Variants in STMP1 observed in about 807,000 individuals in gnomAD.
STMP1 encodes mitolamban.
STMP1 carries 7 observed loss-of-function variants against 7.0 expected under a neutral mutation model. That is an observed-to-expected ratio of 1.01 (90% CI 0.57 to 1.89). The LOEUF (loss-of-function observed/expected upper bound fraction) is 1.89, where lower values mean the gene tolerates loss of function less well. Among genes scored for constraint, STMP1 ranks in the 40% most tolerant of loss-of-function variants. The pLI is 0.00. For missense variants in STMP1, 45 were observed against 53.0 expected (o/e 0.85, Z 0.47); for synonymous variants, 19 against 18.4 (o/e 1.03, Z -0.08).
intron 1 of STMP1, among the ~76,000 whole-genome samples, chr7:135,664,003 T>G (rs1204994681): frequency 6.6e-6 from 1 of 152,242 alleles, no homozygotes; most frequent in South Asian, 2.1e-4. Context: ...TTTGTCCTTT[T>G]GAAAGATGGT....
At chr7:135,664,799 G>A (rs533695119) in intron 1 of STMP1, among the ~76,000 whole-genome samples, 64 of 152,020 alleles carry the variant, frequency 4.2e-4, no homozygotes, top group African/African-American at 1.5e-3. Flanking sequence ...TGTCAAATGA[G>A]CCACTGACTC....
chr7:135,670,435 C>G (rs1164022501), intron 1 of STMP1, among the ~76,000 whole-genome samples: 1 of 152,186 alleles, frequency 6.6e-6, no homozygotes. Context: ...CTCCTATAAT[C>G]TGACTCCAGT....
intron 1 of STMP1, among the ~76,000 whole-genome samples, chr7:135,663,885 C>T (rs572994532): frequency 1.3e-5 from 2 of 152,348 alleles, no homozygotes; most frequent in African/African-American, 2.4e-5. Flanking sequence ...ACCTCGGGAT[C>T]TGCCTGCCTC....
chr7:135,666,835 A>G (rs1057447719), intron 1 of STMP1, among the ~76,000 whole-genome samples: 6 of 152,240 alleles, frequency 3.9e-5, no homozygotes, highest in South Asian at 2.1e-4. Context: ...GAATATTTGT[A>G]TACAGGCTTT....
At chr7:135,665,957 A>C (rs1482064850) in intron 1 of STMP1, among the ~76,000 whole-genome samples, 1 of 146,966 alleles carries the variant, frequency 6.8e-6, no homozygotes, top group Non-Finnish European at 1.5e-5. Flanking sequence ...GCTGGAGTGC[A>C]CTGGTGCCAT....
rs1444519565 is a variant in STMP1, at chr7:135,675,545, A to G, written c.*1380A>G. On this transcript the variant is annotated 3_prime_UTR_variant, in exon 3 of 3. Transcript: ENST00000507606. ...CTATTACAGTGATAACTTCAATCCT[A>G]ATGTTATTAAGCATATCGATTCAGG... 6.6e-6 allele frequency: 1 copy of G among 152,154 alleles called. No individual in the cohort carries two copies. The highest frequency in any genetic ancestry group is 6.5e-5 in the Admixed American group (1 of 15,272). The allele number at this position is 152,154 out of a possible 1,614,324, so 9.4% of individuals were successfully genotyped here.
intron 1 of STMP1, 30 bp from the exon 2 acceptor site, chr7:135,672,723 A>G (rs1302457374): frequency 4.6e-6 from 7 of 1,519,486 alleles, no homozygotes; most frequent in Admixed American, 2.0e-5. Flanking sequence ...CTCGGCATGC[A>G]CTATAACTCT....
At position 135,662,519 on chromosome 7, in the gene STMP1, C is replaced by G. The variant is rs1795241853; in HGVS notation, c.-61C>G. ...CCCCCCGCGCATGGGGAGGTAGGCTCGGACCGGCCCGCGGAGCTGCTGCAG... is the reference window on the plus strand; with the variant it reads ...CCCCCCGCGCATGGGGAGGTAGGCTGGGACCGGCCCGCGGAGCTGCTGCAG... On this transcript the variant is annotated 5_prime_UTR_variant, in exon 1 of 3. Coordinates refer to ENST00000507606, the MANE Select transcript of STMP1 (RefSeq NM_001130929.2). The G allele has an allele frequency of 4.6e-6, 7 of 1,526,338 alleles. No homozygotes were observed. The highest frequency in any genetic ancestry group is 1.8e-4 in the Middle Eastern group (1 of 5,608). The allele number at this position is 1,526,338 out of a possible 1,614,324, so 94.5% of individuals were successfully genotyped here. A position where few individuals can be genotyped will look rare whatever the true frequency, so the allele number is the denominator to read the frequency against.
At chr7:135,668,125 T>A (rs1332517052) in intron 1 of STMP1, among the ~76,000 whole-genome samples, 6 of 152,168 alleles carry the variant, frequency 3.9e-5, no homozygotes, top group Non-Finnish European at 8.8e-5. Flanking sequence ...ACCATAAGCC[T>A]TTATGGTGTA....
At chr7:135,671,883 C>G (rs1391748204) in intron 1 of STMP1, among the ~76,000 whole-genome samples, 1 of 152,188 alleles carries the variant, frequency 6.6e-6, no homozygotes. Flanking sequence ...GAAGTCCCTT[C>G]CCATCCTGGG....
rs1416466082 is a variant in STMP1 at position 135,662,573 on chromosome 7, C to A, written c.-7C>A. On this transcript the variant is annotated 5_prime_UTR_variant, in exon 1 of 3. Transcript: ENST00000507606. The stretch of plus-strand genomic sequence containing the variant: ...TTCGCGCCCTCCTCGCCCTCCCCAC[C>A]GACATCATGCTCCAGTTCCTGGTGA... The A allele has an allele frequency of 2.6e-6, 4 of 1,548,580 alleles. No homozygotes were observed. Among genetic ancestry groups the A allele is most frequent in the East Asian group, 2.5e-5 (1 of 40,354 alleles).
At chr7:135,665,450 A>G (rs1469336289) in intron 1 of STMP1, 1 of 150,910 alleles carries the variant, frequency 6.6e-6, no homozygotes, top group Non-Finnish European at 1.5e-5. Context: ...TTTCCCCTTT[A>G]TTATTACTAT....
At chr7:135,670,653 A>G (rs1050811247) in intron 1 of STMP1, among the ~76,000 whole-genome samples, 3 of 152,058 alleles carry the variant, frequency 2.0e-5, no homozygotes, top group African/African-American at 7.3e-5. Flanking sequence ...TGAAACTGGA[A>G]TTGATATGAC....
At chr7:135,664,180 C>T (rs1041557131) in intron 1 of STMP1, among the ~76,000 whole-genome samples, 35 of 152,170 alleles carry the variant, frequency 2.3e-4, no homozygotes, top group Non-Finnish European at 4.1e-4. Context: ...AGATTAAAAG[C>T]GGTATCACTT....
At chr7:135,667,881 C>G (rs768344219) in intron 1 of STMP1, among the ~76,000 whole-genome samples, 17 of 152,010 alleles carry the variant, frequency 1.1e-4, no homozygotes, top group Admixed American at 1.3e-4. Context: ...TGAAGGTTTA[C>G]GCCTATGATT....
chr7:135,674,337 A>C lies in STMP1; in HGVS notation c.*172A>C, dbSNP rs1795387804. ...AGCAAAATGGGGCCCCAATTTGAGA[A>C]CTACCCGACATTTCCAACATACTCA... On this transcript the variant is annotated 3_prime_UTR_variant, in exon 3 of 3. Coordinates refer to ENST00000507606, the MANE Select transcript of STMP1 (RefSeq NM_001130929.2). 1.8e-6 allele frequency: 1 copy of C among 559,516 alleles called. No individual in the cohort carries two copies. Among genetic ancestry groups the C allele is most frequent in the African/African-American group, 1.9e-5 (1 of 52,776 alleles). 34.7% of individuals were successfully genotyped at this position (559,516 alleles called of 1,614,324 possible).
chr7:135,669,834 G>T (rs3112328), intron 1 of STMP1, among the ~76,000 whole-genome samples: 5 of 152,116 alleles, frequency 3.3e-5, no homozygotes, highest in African/African-American at 1.2e-4. Flanking sequence ...ATAGGCTCCT[G>T]TTAGTTCAGG....
intron 1 of STMP1, among the ~76,000 whole-genome samples, chr7:135,670,399 A>T (rs917156118): frequency 6.6e-6 from 1 of 152,142 alleles, no homozygotes; most frequent in African/African-American, 2.4e-5. Context: ...CTTGGCCTGC[A>T]AGGAGGTTTC....
intron 1 of STMP1, among the ~76,000 whole-genome samples, chr7:135,663,174 A>G (rs1393980801): frequency 1.3e-5 from 2 of 152,178 alleles, no homozygotes; most frequent in Admixed American, 6.5e-5. Flanking sequence ...TAAGCAGACT[A>G]TTTCTCTTGG....
Sources: allele counts gnomAD v4.1 joint callset (sites outside exome capture counted in the v4.1 genomes callset), GRCh38; gene constraint gnomAD v4.1.1; transcripts MANE v1.5; gene names NCBI Gene and HGNC (gene_info 2026-07-23, HGNC 2026-07-21).